Variants in PSME2 observed in about 807,000 individuals in gnomAD.
PSME2 encodes proteasome activator complex subunit 2.
In PSME2, 20 loss-of-function variants were observed where a neutral mutation model predicts 38.8. That is an observed-to-expected ratio of 0.52 (90% CI 0.36 to 0.75). The LOEUF is 0.75. Among genes scored for constraint, PSME2 ranks in the 30% least tolerant of loss-of-function variants. PSME2 has a pLI of 0.00. For missense variants in PSME2, 227 were observed against 287.6 expected (o/e 0.79, Z 1.52); for synonymous variants, 82 against 102.5 (o/e 0.80, Z 1.21).
chr14:24,145,417 C>T lies in PSME2; in HGVS notation c.193G>A (p.Asp65Asn), dbSNP rs2038135406. Residue 65 changes from aspartate to asparagine, a missense_variant, in exon 4 of 11, where the codon GAC (aspartate) becomes AAC (asparagine). Asp to Asn is a conservative substitution (Grantham distance 23). Transcript: ENST00000216802. ...ADLTSLRAPL[D>N]IPIPDPPPKD... Reference sequence around the variant, plus strand: ...GGTGGAGGGTCTGGGATGGGGATGTCCAGTGGGGCCCGGAGGGAAGTCAAG... The same window carrying T: ...GGTGGAGGGTCTGGGATGGGGATGTTCAGTGGGGCCCGGAGGGAAGTCAAG... 6.4e-7 allele frequency: 1 copy of T among 1,569,570 alleles called. No individual in the cohort carries two copies. The highest frequency in any genetic ancestry group is 8.6e-7 in the Non-Finnish European group (1 of 1,158,672).
chr14:24,145,697 C>T lies in PSME2; in HGVS notation c.144+13G>A. The T allele has an allele frequency of 6.2e-7, 1 of 1,612,132 alleles. No individual in the cohort carries two copies. Among genetic ancestry groups the T allele is most frequent in the South Asian group, 1.1e-5 (1 of 91,050 alleles). On this transcript the variant is annotated intron_variant, in intron 3 of 10. Coordinates refer to ENST00000216802, the MANE Select transcript of PSME2 (RefSeq NM_002818.3). ...GGACATAGGATGGGGCAGAAGGGGC[C>T]CACACTACTCACTTGCAAGAGCTGA...
rs1205216843 is a variant in PSME2, at chr14:24,143,643, C to T, written c.581G>A (p.Arg194Gln). The T allele has an allele frequency of 4.3e-6, 7 of 1,614,010 alleles. No individual in the cohort carries two copies. The highest frequency in any genetic ancestry group is 1.7e-5 in the Admixed American group (1 of 59,992). Residue 194 changes from arginine to glutamine, a missense_variant, in exon 10 of 11, where the codon CGA (arginine) becomes CAA (glutamine). Transcript: ENST00000216802. This position sits in a 1 kb window ranked among gnomAD's most constrained non-coding sequence, Gnocchi z 4.4. The stretch of plus-strand genomic sequence containing the variant: ...GAGCTCCCCATAGGCTGCCTCATCT[C>T]GCTCATGCACCAAGGCCCGGTAATC... ...VMDYRALVHE[R>Q]DEAAYGELRA...
At chr14:24,146,452 T>C (rs909329835) in intron 1 of PSME2, 82 bp downstream of exon 1, 2 of 1,577,958 alleles carry the variant, frequency 1.3e-6, no homozygotes, top group Non-Finnish European at 1.7e-6. Context: ...TCTCTGGCAC[T>C]GCTTGGTCCC....
rs1566609592 is a variant in PSME2 at position 24,145,131 on chromosome 14, C to G, written c.287G>C (p.Gly96Ala). The G allele has an allele frequency of 6.2e-7, 1 of 1,613,620 alleles. No homozygotes were observed. Among genetic ancestry groups the G allele is most frequent in the Admixed American group, 1.7e-5 (1 of 60,000 alleles). ...AAGCAGGGACAGGACTTTCTCATTC[C>G]CAGGGAGAAATCCACACTTATGGAC... ...KEVHKCGFLPGNEKVLSLLAL... is the reference protein window; with the variant it reads ...KEVHKCGFLPANEKVLSLLAL... The change falls in exon 6 of 11, where the codon GGG becomes GCG. Residue 96 changes from glycine to alanine, a missense_variant. Gly to Ala is a moderately conservative substitution (Grantham distance 60). Around this residue, in one of 3 missense-constraint regions of PSME2, gnomAD observed 48 missense variants for 96.4 expected, o/e 0.50. Transcript: ENST00000216802.
At position 24,143,398 on chromosome 14, in the gene PSME2, T is replaced by C. The variant is rs370458272; in HGVS notation, c.*11A>G. 3.7e-6 allele frequency: 6 copies of C among 1,604,072 alleles called. No individual in the cohort carries two copies. Among genetic ancestry groups the C allele is most frequent in the Non-Finnish European group, 5.1e-6 (6 of 1,170,988 alleles). ...ACATATAGATCATTTATTTTCCTTCTAGTCCCGGGTTCAGTACATAGATGG... is the reference window on the plus strand; with the variant it reads ...ACATATAGATCATTTATTTTCCTTCCAGTCCCGGGTTCAGTACATAGATGG... On this transcript the variant is annotated 3_prime_UTR_variant, in exon 11 of 11. Transcript: ENST00000216802. This position sits in a 1 kb window ranked among gnomAD's most constrained non-coding sequence, Gnocchi z 4.4.
At position 24,145,175 on chromosome 14, in the gene PSME2, C is replaced by G; in HGVS notation, c.263-20G>C. On this transcript the variant is annotated intron_variant, in intron 5 of 10. Transcript: ENST00000216802. Reference sequence around the variant, plus strand: ...TATGGACTGTGAGAAAGAGGGGATTCAGGCCCTTTCTCATCCAGTAGTCAG... The same window carrying G: ...TATGGACTGTGAGAAAGAGGGGATTGAGGCCCTTTCTCATCCAGTAGTCAG... 5 of 1,611,236 alleles carry G rather than the reference C, an allele frequency of 3.1e-6. No individual in the cohort carries two copies. Among genetic ancestry groups the G allele is most frequent in the Non-Finnish European group, 4.2e-6 (5 of 1,177,398 alleles).
In PSME2 at chr14:24,146,572, G is replaced by C; in HGVS notation, c.10C>G (p.Pro4Ala). 5 of 1,613,604 alleles carry C rather than the reference G, an allele frequency of 3.1e-6. No individual in the cohort carries two copies. The highest frequency in any genetic ancestry group is 4.2e-6 in the Non-Finnish European group (5 of 1,180,038). Residue 4 changes from proline to alanine, a missense_variant, in exon 1 of 11, where the codon CCG becomes GCG. Pro to Ala is a conservative substitution (Grantham distance 27, BLOSUM62 -1). Around this residue, in one of 3 missense-constraint regions of PSME2, gnomAD observed 80 missense variants for 77.3 expected, o/e 1.04. Transcript: ENST00000216802. MAK[P>A]CGVRLSGEAR... ...TCCCCGCTCAGGCGCACCCCACACGGCTTGGCCATGCTGCTTCAGTCGCTA... is the reference window on the plus strand; with the variant it reads ...TCCCCGCTCAGGCGCACCCCACACGCCTTGGCCATGCTGCTTCAGTCGCTA...
chr14:24,144,367 C>A, intron 7 of PSME2, 33 bp downstream of exon 7: 1 of 1,608,004 alleles, frequency 6.2e-7, no homozygotes, highest in Non-Finnish European at 8.5e-7. Flanking sequence ...AGGCTCTCCC[C>A]ACTCTAAGTA....
chr14:24,145,291 G>C lies in PSME2; in HGVS notation c.232-18C>G. The C allele has an allele frequency of 6.2e-7, 1 of 1,613,998 alleles. No homozygotes were observed. The highest frequency in any genetic ancestry group is 8.5e-7 in the Non-Finnish European group (1 of 1,179,896). ...GTTTCCATCTAAGGCAAAAAGGGGG[G>C]AAAGTAGCTTTAGAAAAGTCACAGA... On this transcript the variant is annotated intron_variant, in intron 4 of 10. Transcript: ENST00000216802.
intron 6 of PSME2, 27 bp downstream of exon 6, chr14:24,145,031 T>C: frequency 6.3e-7 from 1 of 1,586,334 alleles, no homozygotes; most frequent in East Asian, 2.2e-5. Flanking sequence ...GTCTTCTCTT[T>C]CTGCTTCCCC....
In PSME2 at chr14:24,146,233, A is replaced by G. The variant is rs765649841; in HGVS notation, c.56T>C (p.Val19Ala). The stretch of plus-strand genomic sequence containing the variant: ...CTCCTGGAAAAGATTCTGTCTGAAG[A>G]CCTCCACCTACACAGAGAGCAGTAC... The part of the protein sequence containing the change: ...LSGEARKQVE[V>A]FRQNLFQEAE... The change falls in exon 2 of 11, where the codon GTC (valine) becomes GCC (alanine). Residue 19 changes from valine to alanine, a missense_variant. Coordinates refer to ENST00000216802, the MANE Select transcript of PSME2 (RefSeq NM_002818.3). 24 of 1,613,504 alleles carry G rather than the reference A, an allele frequency of 1.5e-5. No individual in the cohort carries two copies. The highest frequency in any genetic ancestry group is 1.9e-5 in the Non-Finnish European group (23 of 1,179,740).
Position 24,143,528 on chromosome 14 carries a change from C to A in PSME2, c.640-39G>T. ...AGAGTGCAAGAGTCAGGTTCTTAGC[C>A]AATCCCCTGCCTGCCCCCACTCATC... On this transcript the variant is annotated intron_variant, in intron 10 of 10. Transcript: ENST00000216802. The surrounding 1 kb of genome is among the most constrained non-coding windows in gnomAD (Gnocchi z 4.4). 1 of 1,612,824 alleles carries A rather than the reference C, an allele frequency of 6.2e-7. No individual in the cohort carries two copies. Among genetic ancestry groups the A allele is most frequent in the Non-Finnish European group, 8.5e-7 (1 of 1,178,856 alleles).
At chr14:24,145,977 G>A in intron 2 of PSME2, 1 of 818,620 alleles carries the variant, frequency 1.2e-6, no homozygotes, top group Non-Finnish European at 2.0e-6. Context: ...TGGAAGCCAT[G>A]GTTTTTTTCC....
At chr14:24,144,133 TG>T in intron 8 of PSME2, 58 bp downstream of exon 8, 1 of 1,612,456 alleles carries the variant, frequency 6.2e-7, no homozygotes, top group Non-Finnish European at 8.5e-7. Context: ...TGCCCAGCTC[TG>T]GGGGTCCCAA....
intron 6 of PSME2, 61 bp from the exon 7 acceptor site, chr14:24,144,529 T>C: frequency 6.7e-7 from 1 of 1,498,438 alleles, no homozygotes; most frequent in Non-Finnish European, 9.3e-7. Flanking sequence ...TTCCTATTAC[T>C]GTCACTTCCT....
In PSME2 at chr14:24,145,416, T is replaced by C; in HGVS notation, c.194A>G (p.Asp65Gly). Residue 65 changes from aspartate (D) to glycine (G), a missense_variant, in exon 4 of 11, where the codon GAC becomes GGC. By Grantham distance (94) the Asp-to-Gly change is moderately conservative. Transcript: ENST00000216802. ...GGGTGGAGGGTCTGGGATGGGGATG[T>C]CCAGTGGGGCCCGGAGGGAAGTCAA... ...ADLTSLRAPL[D>G]IPIPDPPPKD... 1 of 1,571,636 alleles carries C rather than the reference T, an allele frequency of 6.4e-7. No homozygotes were observed. The highest frequency in any genetic ancestry group is 8.6e-7 in the Non-Finnish European group (1 of 1,159,580).
intron 3 of PSME2, 30 bp from the exon 4 acceptor site, chr14:24,145,495 C>G (rs2038137186): frequency 2.5e-5 from 39 of 1,534,698 alleles, no homozygotes; most frequent in Non-Finnish European, 3.4e-5. Flanking sequence ...AAGGGCTGCC[C>G]AACCTCTTCC....
intron 6 of PSME2, 56 bp downstream of exon 6, chr14:24,145,002 C>T (rs1374349176): frequency 7.2e-6 from 11 of 1,528,768 alleles, no homozygotes; most frequent in African/African-American, 2.7e-5. Context: ...ACGGAGGAGT[C>T]CAGGGCCTCA....
In PSME2 at chr14:24,145,258, G is replaced by C. The variant is rs1419762547; in HGVS notation, c.247C>G (p.Gln83Glu). The part of the protein sequence containing the change: ...PKDDEMETDK[Q>E]EKKEVHKCGF... ...TCTCTCTTACCTTCTTTCTTCTCCT[G>C]CTTATCTGTTTCCATCTAAGGCAAA... The change falls in exon 5 of 11, where the codon CAG becomes GAG. Residue 83 changes from glutamine to glutamate, a missense_variant. By Grantham distance (29) the Gln-to-Glu change is conservative. Around this residue, in one of 3 missense-constraint regions of PSME2, gnomAD observed 48 missense variants for 96.4 expected, o/e 0.50. Transcript: ENST00000216802. 1 of 1,613,918 alleles carries C rather than the reference G, an allele frequency of 6.2e-7. No individual in the cohort carries two copies. The highest frequency in any genetic ancestry group is 8.5e-7 in the Non-Finnish European group (1 of 1,179,898).
Sources: gnomAD v4.1 joint callset for allele counts on GRCh38, gnomAD v4.1.1 for gene constraint, gnomAD v4.1.1 regional missense constraint, Gnocchi (gnomAD v3.1) non-coding constraint, MANE v1.5 for transcripts, NCBI Gene and HGNC (gene_info 2026-07-23, HGNC 2026-07-21) for gene names.